The following FAM153A variants were observed in gnomAD, a reference collection of about 807,000 sequenced individuals.
The protein encoded by FAM153A is protein FAM153A.
In FAM153A, 12 loss-of-function variants were observed where a neutral mutation model predicts 48.1. That is an observed-to-expected ratio of 0.25 (90% confidence interval 0.16 to 0.40). FAM153A has a LOEUF of 0.40. Among genes scored for constraint, FAM153A ranks in the 10% least tolerant of loss-of-function variants. The probability of loss-of-function intolerance (pLI) is 1.00; values close to 1 mark genes in which losing one functional copy is unlikely to be tolerated. For missense variants in FAM153A, 111 were observed against 345.8 expected (o/e 0.32, Z 5.38); for synonymous variants, 36 against 118.2 (o/e 0.30, Z 4.51).
the FAM153A span, among the ~76,000 whole-genome samples, chr5:177,702,004 T>G: frequency 2.0e-5 from 3 of 151,024 alleles, no homozygotes; most frequent in Non-Finnish European, 2.9e-5. Flanking sequence ...GCCTCCCGGG[T>G]TCACGCCATT....
the FAM153A span, among the ~76,000 whole-genome samples, chr5:177,700,133 A>G: frequency 4.5e-4 from 69 of 152,132 alleles, no homozygotes; most frequent in Non-Finnish European, 8.1e-4. Context: ...CTTCAGATAA[A>G]GCATTTGATA....
chr5:177,697,008 A>G, the FAM153A span, among the ~76,000 whole-genome samples: 8 of 151,960 alleles, frequency 5.3e-5, no homozygotes, highest in African/African-American at 1.9e-4. Flanking sequence ...AAAGGATTGC[A>G]TTGAAGCTAT....
the FAM153A span, among the ~76,000 whole-genome samples, chr5:177,696,191 G>T: frequency 7.8e-6 from 1 of 128,336 alleles, no homozygotes; most frequent in African/African-American, 2.9e-5. Context: ...AGATGGGGCG[G>T]CCGGGCAGAG....
intron 10 of FAM153A, 128 bp from the exon 13 acceptor site, chr5:177,737,240 A>C: frequency 6.3e-7 from 1 of 1,585,920 alleles, no homozygotes; most frequent in Non-Finnish European, 8.6e-7. Flanking sequence ...AGCTGCTGCC[A>C]GTCCATCCTC....
At chr5:177,709,683 T>TG (rs1245126442), downstream of FAM153A, among the ~76,000 whole-genome samples, 1 of 143,006 alleles carries the variant, frequency 7.0e-6, no homozygotes, top group African/African-American at 2.6e-5. Context: ...TGTTTTTTTT[T>TG]TTTTTTGACC....
downstream of FAM153A, among the ~76,000 whole-genome samples, chr5:177,708,580 A>G (rs1239258131): frequency 6.6e-6 from 1 of 151,860 alleles, no homozygotes; most frequent in Non-Finnish European, 1.5e-5. Flanking sequence ...TCAGTCTCAA[A>G]ATAAAAAATA....
downstream of FAM153A, chr5:177,722,077 A>G (rs1761148288): frequency 3.3e-5 from 5 of 150,280 alleles, no homozygotes; most frequent in South Asian, 1.1e-3. Context: ...AAACAATACA[A>G]GAACAATTTG....
Position 177,766,151 on chromosome 5 carries a change from C to G in FAM153A, c.-57+14298G>C, listed in dbSNP as rs1236437809. ...ATAAAACAAAAAACAAACAGAAAAA[C>G]ATGCCAATAGGATAAAAAAAAAAAA... On this transcript the variant is annotated intron_variant, in intron 1 of 8. Transcript: ENST00000393518. Among the ~76,000 whole-genome samples, 2 of 95,780 alleles carry G rather than the reference C, an allele frequency of 2.1e-5. 1 individual carries two copies. The highest frequency in any genetic ancestry group is 4.4e-5 in the Non-Finnish European group (2 of 45,522). 62.8% of individuals were successfully genotyped at this position (95,780 alleles called of 152,430 possible).
chr5:177,728,671 G>A (rs1763155687), intron 18 of FAM153A, among the ~76,000 whole-genome samples: 1 of 150,542 alleles, frequency 6.6e-6, no homozygotes, highest in Non-Finnish European at 1.5e-5. Flanking sequence ...GGGTTCAGGT[G>A]ATTCTCCTGC....
At chr5:177,761,610 C>T (rs1768327499) in intron 1 of FAM153A, among the ~76,000 whole-genome samples, 1 of 119,372 alleles carries the variant, frequency 8.4e-6, no homozygotes, top group East Asian at 2.6e-4. Context: ...CCACTTTTGC[C>T]CCACCCCAGC....
chr5:177,732,659 C>T, intron 14 of FAM153A, among the ~76,000 whole-genome samples: 1 of 95,036 alleles, frequency 1.1e-5, no homozygotes, highest in African/African-American at 4.1e-5. Flanking sequence ...TACAGGCATG[C>T]ATCTCCATGC....
intron 24 of FAM153A, among the ~76,000 whole-genome samples, chr5:177,716,964 AGTGT>A (rs59312087): frequency 0.016 from 1,992 of 127,706 alleles, 77 homozygotes; most frequent in African/African-American, 0.055. Context: ...ATTCCCGCTT[AGTGT>A]GTGTGTGTGT....
chr5:177,707,460 A>G (rs1313366632), downstream of FAM153A, among the ~76,000 whole-genome samples: 3 of 151,954 alleles, frequency 2.0e-5, no homozygotes, highest in Non-Finnish European at 1.5e-5. Context: ...AACGAGAGAA[A>G]AAATGCATAT....
Position 177,769,733 on chromosome 5 carries a change from C to T in FAM153A, c.-57+10716G>A, listed in dbSNP as rs1459347761. ...AGTTGTAGCTATATACTCTGCCCTA[C>T]GTATAACAAGGCCCAAATTCACCTG... On this transcript the variant is annotated intron_variant, in intron 1 of 8. Transcript: ENST00000393518. Among the ~76,000 whole-genome samples the T allele has an allele frequency of 8.4e-5, 8 of 95,254 alleles. 4 individuals carry two copies. Among genetic ancestry groups the T allele is most frequent in the Non-Finnish European group, 1.7e-4 (8 of 46,422 alleles). 62.5% of individuals were successfully genotyped at this position (95,254 alleles called of 152,430 possible).
upstream of FAM153A, among the ~76,000 whole-genome samples, chr5:177,754,831 C>T (rs1767531263): frequency 6.6e-6 from 1 of 151,808 alleles, no homozygotes; most frequent in African/African-American, 2.4e-5. Flanking sequence ...ACCAAAACCC[C>T]ATCTGTATGT....
chr5:177,728,291 C>G lies in FAM153A; in HGVS notation c.964+732G>C, dbSNP rs563540023. 6.1e-3 allele frequency among the ~76,000 whole-genome samples: 861 copies of G among 141,910 alleles called. 16 individuals are homozygous for G. The highest frequency in any genetic ancestry group is 0.022 in the African/African-American group (785 of 36,190). The allele number at this position is 141,910 out of a possible 152,430, so 93.1% of individuals were successfully genotyped here. A position where few individuals can be genotyped will look rare whatever the true frequency, so the allele number is the denominator to read the frequency against. On this transcript the variant is annotated intron_variant, in intron 18 of 20. Transcript: ENST00000614127. ...TATCTTCAGGTACAGCTGTGGTGGA[C>G]GATGAATGGGTTGATTTATGCAAAC...
chr5:177,715,819 T>A (rs1413698417), intron 25 of FAM153A, among the ~76,000 whole-genome samples: 2 of 151,704 alleles, frequency 1.3e-5, no homozygotes, highest in Non-Finnish European at 2.9e-5. Context: ...TCCTCCCAAC[T>A]CAGCCTCCTG....
rs577508754 is a variant in FAM153A, at chr5:177,733,991, T to A, written c.760+389A>T. Among the ~76,000 whole-genome samples, 2 of 113,730 alleles carry A rather than the reference T, an allele frequency of 1.8e-5. 1 individual carries two copies. Among genetic ancestry groups the A allele is most frequent in the East Asian group, 6.1e-4 (2 of 3,254 alleles). 74.6% of individuals were successfully genotyped at this position (113,730 alleles called of 152,430 possible). ...TTTGGAAGCTTACAAGTTAATTTTT[T>A]CATGTGCCTGCAACAGGACTGCAAC... On this transcript the variant is annotated intron_variant, in intron 14 of 20. Transcript: ENST00000614127.
intron 1 of FAM153A, among the ~76,000 whole-genome samples, chr5:177,761,325 T>C (rs1221163728): frequency 6.6e-6 from 1 of 151,686 alleles, no homozygotes; most frequent in Admixed American, 6.6e-5. Context: ...TTTTTTTTCC[T>C]AGAGTGAGGC....
Sources: allele counts gnomAD v4.1 joint callset (sites outside exome capture counted in the v4.1 genomes callset), GRCh38; gene constraint gnomAD v4.1.1; transcripts MANE v1.5; gene names NCBI Gene and HGNC (gene_info 2026-07-23, HGNC 2026-07-21).